The following NRP2 variants were observed in gnomAD, a reference collection of about 807,000 sequenced individuals.
NRP2 encodes neuropilin-2.
In NRP2, 52 loss-of-function variants were observed where a neutral mutation model predicts 110.4. The observed-to-expected ratio is 0.47, with a 90% CI of 0.38 to 0.59. The LOEUF (loss-of-function observed/expected upper bound fraction) is 0.59. NRP2 is among the 20% of genes least tolerant of loss of function. The probability of loss-of-function intolerance (pLI) is 0.00; values close to 1 mark genes in which losing one functional copy is unlikely to be tolerated. For synonymous variants in NRP2, 508 were observed against 468.9 expected, an observed-to-expected ratio of 1.08 and a Z score of -1.08; for missense variants, 1,049 against 1,203.0, an observed-to-expected ratio of 0.87 and a Z score of 1.89.
chr2:205,724,596 G>A (rs987345051), intron 5 of NRP2, among the ~76,000 whole-genome samples: 1 of 150,436 alleles, frequency 6.6e-6, no homozygotes, highest in Non-Finnish European at 1.5e-5. Flanking sequence ...CAAATCAGCT[G>A]CTCTTGGACA....
chr2:205,719,918 C>T (rs758326835), intron 3 of NRP2, among the ~76,000 whole-genome samples: 1 of 152,200 alleles, frequency 6.6e-6, no homozygotes, highest in Admixed American at 6.5e-5. Flanking sequence ...ACAATCTTAG[C>T]CTTGAGTGGG....
chr2:205,722,319 C>T (rs182066716), intron 3 of NRP2, 159 bp from the exon 4 acceptor site: 12 of 685,570 alleles, frequency 1.8e-5, no homozygotes, highest in Admixed American at 1.1e-4. Context: ...GGGCTTGAAA[C>T]GTGCATGTGA....
intron 15 of NRP2, chr2:205,767,960 G>C (rs963173191): frequency 6.6e-6 from 1 of 152,292 alleles, no homozygotes; most frequent in Non-Finnish European, 1.5e-5. Flanking sequence ...TCATTAATCT[G>C]TCCAGCTCTG....
intron 7 of NRP2, among the ~76,000 whole-genome samples, chr2:205,730,138 G>T (rs1256222128): frequency 6.6e-6 from 1 of 152,248 alleles, no homozygotes; most frequent in Non-Finnish European, 1.5e-5. Context: ...CTGCGGGTGT[G>T]GTGGACGCCC....
intron 2 of NRP2, among the ~76,000 whole-genome samples, chr2:205,710,715 A>T (rs1252023173): frequency 6.6e-6 from 1 of 152,070 alleles, no homozygotes; most frequent in Non-Finnish European, 1.5e-5. Context: ...CTTTGTTGGG[A>T]AGTTGTATGT....
chr2:205,726,353 T>C (rs2057128537), intron 6 of NRP2, among the ~76,000 whole-genome samples: 1 of 152,186 alleles, frequency 6.6e-6, no homozygotes, highest in Non-Finnish European at 1.5e-5. Context: ...GCCCTATCAC[T>C]ATAGATATCC....
chr2:205,733,079 T>C (rs1370807963), intron 7 of NRP2, among the ~76,000 whole-genome samples: 1 of 152,178 alleles, frequency 6.6e-6, no homozygotes, highest in African/African-American at 2.4e-5. Flanking sequence ...CTCTCAATTA[T>C]AATGGAGAAG....
chr2:205,788,376 G>A (rs1191897307), intron 15 of NRP2, among the ~76,000 whole-genome samples: 1 of 152,118 alleles, frequency 6.6e-6, no homozygotes, highest in African/African-American at 2.4e-5. Context: ...TTCTCTCACT[G>A]TGCTGATCTG....
At chr2:205,751,631 C>A (rs965927067) in intron 11 of NRP2, among the ~76,000 whole-genome samples, 6 of 152,250 alleles carry the variant, frequency 3.9e-5, no homozygotes, top group African/African-American at 1.4e-4. Flanking sequence ...GGCCTGGTGG[C>A]AATCTTCCTC....
At chr2:205,703,025 A>T (rs932775737) in intron 2 of NRP2, among the ~76,000 whole-genome samples, 3 of 152,218 alleles carry the variant, frequency 2.0e-5, no homozygotes, top group Non-Finnish European at 4.4e-5. Flanking sequence ...AAATTCTACA[A>T]GGGCACAAAG....
chr2:205,739,078 C>T (rs1307540052), intron 7 of NRP2, among the ~76,000 whole-genome samples: 1 of 152,110 alleles, frequency 6.6e-6, no homozygotes, highest in South Asian at 2.1e-4. Context: ...CTGCTCTTTG[C>T]CATTACTCAA....
At chr2:205,788,111 A>C (rs2058256122) in intron 15 of NRP2, among the ~76,000 whole-genome samples, 1 of 152,112 alleles carries the variant, frequency 6.6e-6, no homozygotes, top group Admixed American at 6.5e-5. Flanking sequence ...CATTCCAAAA[A>C]ATCAGGACAG....
At chr2:205,782,658 T>A (rs1238509885) in intron 15 of NRP2, among the ~76,000 whole-genome samples, 1 of 152,170 alleles carries the variant, frequency 6.6e-6, no homozygotes, top group Admixed American at 6.5e-5. Context: ...TCATTTGGTT[T>A]TGTGTAAATG....
intron 15 of NRP2, among the ~76,000 whole-genome samples, chr2:205,791,159 G>A (rs562560176): frequency 7.2e-5 from 11 of 152,248 alleles, no homozygotes; most frequent in African/African-American, 2.2e-4. Flanking sequence ...CTTTCGGGAT[G>A]GTCTAAAGTT....
At chr2:205,755,046 G>A (rs2057711928) in intron 12 of NRP2, among the ~76,000 whole-genome samples, 2 of 152,100 alleles carry the variant, frequency 1.3e-5, no homozygotes, top group Non-Finnish European at 2.9e-5. Context: ...CAGCTCCAGG[G>A]GAGCTTAAGT....
At chr2:205,792,837 C>T (rs563963186) in intron 16 of NRP2, among the ~76,000 whole-genome samples, 3 of 152,268 alleles carry the variant, frequency 2.0e-5, no homozygotes, top group Non-Finnish European at 2.9e-5. Flanking sequence ...ACATATACTT[C>T]AAGAGGCTAG....
Position 205,716,291 on chromosome 2 carries a change from G to T in NRP2, c.350G>T (p.Gly117Val). Residue 117 changes from glycine (G) to valine (V), a missense_variant, in exon 3 of 17, where the codon GGC becomes GTC. Gly to Val is a moderately radical substitution (Grantham distance 109). Transcript: ENST00000357785. ...GCCCCGCCCACCATCATCTCCTCGG[G>T]CTCCATGCTCTACATCAAGTTCACC... is the stretch of plus-strand genomic sequence containing the variant. ...NIAPPTIISS[G>V]SMLYIKFTSD... 1 of 1,614,148 alleles carries T rather than the reference G, an allele frequency of 6.2e-7. No individual in the cohort carries two copies. The highest frequency in any genetic ancestry group is 8.5e-7 in the Non-Finnish European group (1 of 1,180,028).
At chr2:205,754,301 G>A (rs1297969566) in intron 12 of NRP2, among the ~76,000 whole-genome samples, 8 of 152,308 alleles carry the variant, frequency 5.3e-5, no homozygotes, top group African/African-American at 1.2e-4. Context: ...AAGCACTGGC[G>A]TGTCCCTTCT....
At chr2:205,722,840 T>A (rs1306632545) in intron 4 of NRP2, 132 bp downstream of exon 4, 3 of 719,444 alleles carry the variant, frequency 4.2e-6, no homozygotes, top group Non-Finnish European at 7.4e-6. Context: ...GACTTTCTCT[T>A]CTTCCCCTTC....
Sources: gnomAD v4.1 joint callset for allele counts (sites outside exome capture counted in the v4.1 genomes callset) on GRCh38, gnomAD v4.1.1 for gene constraint, MANE v1.5 for transcripts, NCBI Gene and HGNC (gene_info 2026-07-23, HGNC 2026-07-21) for gene names.